GRTP1: variants seen among roughly 807,000 people sequenced by gnomAD.
GRTP1 encodes growth hormone-regulated TBC protein 1.
A neutral mutation model predicts 38.1 loss-of-function variants in GRTP1; 56 were observed. The ratio of observed to expected loss-of-function variants is 1.47; its 90% CI spans 1.19 to 1.84. The LOEUF (loss-of-function observed/expected upper bound fraction) is 1.84. GRTP1 is among the 40% of genes most tolerant of loss of function. The probability of loss-of-function intolerance (pLI) is 0.00; values close to 1 mark genes in which losing one functional copy is unlikely to be tolerated. For synonymous variants in GRTP1, 217 were observed against 189.5 expected (o/e 1.14, Z -1.19); for missense variants, 506 against 453.9 (o/e 1.11, Z -1.04).
intron 5 of GRTP1, among the ~76,000 whole-genome samples, chr13:113,328,946 C>T (rs1267097967): frequency 6.7e-6 from 1 of 149,684 alleles, no homozygotes; most frequent in Non-Finnish European, 1.5e-5. Context: ...TCAAACCTTA[C>T]AAAGCAGCCT....
intron 7 of GRTP1, chr13:113,325,262 G>A (rs2042742326): frequency 8.0e-7 from 1 of 1,243,540 alleles, no homozygotes; most frequent in Non-Finnish European, 1.0e-6. Context: ...GCCTCTCCTG[G>A]CGTCTTGGCT....
At chr13:113,328,468 G>A (rs776102346) in intron 5 of GRTP1, among the ~76,000 whole-genome samples, 1 of 152,206 alleles carries the variant, frequency 6.6e-6, no homozygotes, top group Admixed American at 6.5e-5. Context: ...GCACTCACAG[G>A]CCAGTTCTCC....
intron 2 of GRTP1, among the ~76,000 whole-genome samples, chr13:113,360,632 C>T (rs545291580): frequency 3.3e-5 from 5 of 152,184 alleles, no homozygotes; most frequent in Non-Finnish European, 5.9e-5. Context: ...TAGAGACACG[C>T]GATCACTGAC....
chr13:113,337,150 C>T lies in GRTP1; in HGVS notation c.562+7713G>A, dbSNP rs185975737. ...CTGTACTCAAAATAAAAAAATTAGC[C>T]GGGCATGGTGGTGCACACCTGCAGT... On this transcript the variant is annotated intron_variant, in intron 5 of 7. Transcript: ENST00000375431. Among the ~76,000 whole-genome samples, 253 of 152,136 alleles carry T rather than the reference C, an allele frequency of 1.7e-3. 5 individuals carry two copies. Among genetic ancestry groups the T allele is most frequent in the South Asian group, 0.017 (80 of 4,818 alleles).
intron 2 of GRTP1, 130 bp from the exon 3 acceptor site, chr13:113,355,611 T>C (rs2043372304): frequency 8.8e-7 from 1 of 1,139,118 alleles, no homozygotes; most frequent in Non-Finnish European, 1.2e-6. Flanking sequence ...CAGAACTTCG[T>C]CCATCTCCAC....
intron 5 of GRTP1, among the ~76,000 whole-genome samples, chr13:113,337,544 A>G (rs531632778): frequency 1.3e-4 from 20 of 152,374 alleles, no homozygotes; most frequent in African/African-American, 4.6e-4. Context: ...TTATGGCGAA[A>G]CCTGGTATCA....
chr13:113,337,877 T>C (rs1427272625), intron 5 of GRTP1, among the ~76,000 whole-genome samples: 1 of 152,232 alleles, frequency 6.6e-6, no homozygotes, highest in Non-Finnish European at 1.5e-5. Flanking sequence ...CCACCTCTGC[T>C]CACGGGGCTG....
chr13:113,363,336 T>C (rs374851797), intron 2 of GRTP1, among the ~76,000 whole-genome samples: 1 of 152,106 alleles, frequency 6.6e-6, no homozygotes, highest in African/African-American at 2.4e-5. Context: ...GCCTCCAGAG[T>C]AGCTGGGACT....
chr13:113,329,782 G>C lies in GRTP1; in HGVS notation c.563-3691C>G, dbSNP rs534326820. Among the ~76,000 whole-genome samples, 3 of 152,332 alleles carry C rather than the reference G, an allele frequency of 2.0e-5. No homozygotes were observed. The East Asian group carries it at 5.8e-4, about 29-fold the overall frequency. On this transcript the variant is annotated intron_variant, in intron 5 of 7. Coordinates refer to ENST00000375431, the MANE Select transcript of GRTP1 (RefSeq NM_024719.4). ...ACCATTTGTGGGGCTCACCCCCACT[G>C]ATAGGGGTAGTGGGCGGTTCCGATC...
intron 4 of GRTP1, among the ~76,000 whole-genome samples, chr13:113,347,598 A>G: frequency 1.3e-5 from 1 of 74,124 alleles, no homozygotes; most frequent in African/African-American, 5.5e-5. Flanking sequence ...CTGAGAACAG[A>G]CCCGGGAGGA....
chr13:113,329,786 G>C (rs2042830631), intron 5 of GRTP1, among the ~76,000 whole-genome samples: 1 of 152,244 alleles, frequency 6.6e-6, no homozygotes, highest in Admixed American at 6.5e-5. Context: ...CCCACTGATA[G>C]GGGTAGTGGG....
chr13:113,363,732 T>TCGGGACCCACCTGCGCCCC lies in GRTP1; in HGVS notation c.181+11_181+29dup, dbSNP rs770477846. Reference sequence around the variant, plus strand: ...GTCCCAGCCCAACCCACCTGCGCCCTCGGGACCCACCTGCGCCCCCGGGAC... The same window carrying TCGGGACCCACCTGCGCCCC: ...GTCCCAGCCCAACCCACCTGCGCCCTCGGGACCCACCTGCGCCCCCGGGACCCACCTGCGCCCCCGGGAC... On this transcript the variant is annotated intron_variant, in intron 2 of 7. Coordinates refer to ENST00000375431, the MANE Select transcript of GRTP1 (RefSeq NM_024719.4). 357 of 1,544,944 alleles carry TCGGGACCCACCTGCGCCCC rather than the reference T, an allele frequency of 2.3e-4. 1 individual carries two copies. In the African/African-American group the frequency reaches 4.3e-3, roughly 19 times the overall value.
chr13:113,350,313 G>A (rs1032596081), intron 4 of GRTP1, among the ~76,000 whole-genome samples: 1 of 152,126 alleles, frequency 6.6e-6, no homozygotes, highest in Admixed American at 6.5e-5. Flanking sequence ...AACTGCAGCT[G>A]CTGGTTCACA....
chr13:113,354,243 C>T (rs1267073957), intron 3 of GRTP1, among the ~76,000 whole-genome samples: 8 of 152,102 alleles, frequency 5.3e-5, no homozygotes, highest in East Asian at 1.9e-4. Context: ...AGACCTTTGG[C>T]GGCCATCACT....
intron 4 of GRTP1, among the ~76,000 whole-genome samples, chr13:113,346,100 G>GCCT: frequency 1.8e-5 from 2 of 109,266 alleles, no homozygotes; most frequent in African/African-American, 4.1e-5. Flanking sequence ...AGACATCTGT[G>GCCT]GCCGAGAACA....
Position 113,324,291 on chromosome 13 carries a change from A to T in GRTP1, c.*197T>A. 1 of 703,614 alleles carries T rather than the reference A, an allele frequency of 1.4e-6. No individual in the cohort carries two copies. The highest frequency in any genetic ancestry group is 2.0e-6 in the Non-Finnish European group (1 of 491,588). 43.6% of individuals were successfully genotyped at this position (703,614 alleles called of 1,614,324 possible). ...TAAAAATAAGTTTTCTTTAAAAAGT[A>T]TGACTTCATAGCTAATCATCAAAAG... On this transcript the variant is annotated 3_prime_UTR_variant, in exon 8 of 8. Coordinates refer to ENST00000375431, the MANE Select transcript of GRTP1 (RefSeq NM_024719.4).
chr13:113,339,321 G>T (rs2042996834), intron 5 of GRTP1: 1 of 152,094 alleles, frequency 6.6e-6, no homozygotes, highest in African/African-American at 2.4e-5. Flanking sequence ...TTTTTACTTT[G>T]CTTATGATGT....
Position 113,348,400 on chromosome 13 carries a change from G to A in GRTP1, c.465+2449C>T, listed in dbSNP as rs913378029. On this transcript the variant is annotated intron_variant, in intron 4 of 7. Transcript: ENST00000375431. This position sits in a 1 kb window ranked among gnomAD's most constrained non-coding sequence, Gnocchi z 4.8. The stretch of plus-strand genomic sequence containing the variant: ...AAGGAGGTTGAGGCTGCAGTGAGCC[G>A]AGATCACGCCACTGCACTCCAGCCT... Among the ~76,000 whole-genome samples, 32 of 152,134 alleles carry A rather than the reference G, an allele frequency of 2.1e-4. No homozygotes were observed. Among genetic ancestry groups the A allele is most frequent in the African/African-American group, 6.5e-4 (27 of 41,428 alleles).
chr13:113,333,780 C>A (rs2042909504), intron 5 of GRTP1, among the ~76,000 whole-genome samples: 1 of 151,290 alleles, frequency 6.6e-6, no homozygotes, highest in South Asian at 2.1e-4. Context: ...CGAGAGCCAC[C>A]ACGCCCATCT....
Sources: allele counts gnomAD v4.1 joint callset (sites outside exome capture counted in the v4.1 genomes callset), GRCh38; gene constraint gnomAD v4.1.1; non-coding constraint Gnocchi (gnomAD v3.1); transcripts MANE v1.5; gene names NCBI Gene and HGNC (gene_info 2026-07-23, HGNC 2026-07-21).